ADGRB3: variants seen among roughly 807,000 people sequenced by gnomAD.
ADGRB3 encodes adhesion G protein-coupled receptor B3.
Under a neutral mutation model 193.4 loss-of-function variants are expected in ADGRB3, and 37 were observed. The ratio of observed to expected loss-of-function variants is 0.19; its 90% CI spans 0.15 to 0.25. The LOEUF is 0.25. Among genes scored for constraint, ADGRB3 ranks in the 10% least tolerant of loss-of-function variants. ADGRB3 has a pLI of 1.00. For missense variants in ADGRB3, 1,637 were observed against 1,852.9 expected, an observed-to-expected ratio of 0.88 and a Z score of 2.14; for synonymous variants, 690 against 644.2, an observed-to-expected ratio of 1.07 and a Z score of -1.08.
At chr6:69,288,871 T>C (rs1767607762) in intron 20 of ADGRB3, among the ~76,000 whole-genome samples, 1 of 152,182 alleles carries the variant, frequency 6.6e-6, no homozygotes, top group Admixed American at 6.5e-5. Context: ...AAGGTGGTGT[T>C]ATTGGTACAA....
chr6:69,351,399 A>G lies in ADGRB3; in HGVS notation c.3460-2834A>G, dbSNP rs986837745. 3.5e-4 allele frequency among the ~76,000 whole-genome samples: 53 copies of G among 152,002 alleles called. 1 individual carries two copies. Among genetic ancestry groups the G allele is most frequent in the Admixed American group, 3.9e-4 (6 of 15,252 alleles). On this transcript the variant is annotated intron_variant, in intron 26 of 31. Coordinates refer to ENST00000370598, the MANE Select transcript of ADGRB3 (RefSeq NM_001704.3). ...GAGCCACCACGCCCTGCCCCCAGAT[A>G]CGTTTTTAAGATTAAAAAAATAAAT...
intron 16 of ADGRB3, among the ~76,000 whole-genome samples, chr6:69,066,316 T>C (rs919134820): frequency 6.6e-6 from 1 of 151,590 alleles, no homozygotes; most frequent in Non-Finnish European, 1.5e-5. Flanking sequence ...ATCAAAAATA[T>C]CCGTTATACT....
intron 20 of ADGRB3, among the ~76,000 whole-genome samples, chr6:69,282,844 A>G (rs1003004332): frequency 2.0e-5 from 3 of 152,224 alleles, no homozygotes; most frequent in African/African-American, 7.2e-5. Flanking sequence ...AGCTTAAAAT[A>G]TAGAAAGACA....
chr6:68,972,120 T>G (rs1167587356), intron 8 of ADGRB3, among the ~76,000 whole-genome samples: 5 of 152,364 alleles, frequency 3.3e-5, no homozygotes, highest in African/African-American at 9.6e-5. Flanking sequence ...CTGTATCTCT[T>G]AGTTTATTTT....
At chr6:69,048,696 C>T (rs1017303568) in intron 14 of ADGRB3, among the ~76,000 whole-genome samples, 8 of 152,014 alleles carry the variant, frequency 5.3e-5, no homozygotes, top group African/African-American at 1.7e-4. Context: ...ATTTCTGCCT[C>T]ATTAAAATTT....
chr6:68,706,124 C>T (rs550530217), intron 3 of ADGRB3, among the ~76,000 whole-genome samples: 5 of 152,152 alleles, frequency 3.3e-5, no homozygotes, highest in South Asian at 4.1e-4. Flanking sequence ...TTGAGAAAAG[C>T]GTTCAGAGGA....
At chr6:69,286,054 G>C (rs759841348) in intron 20 of ADGRB3, among the ~76,000 whole-genome samples, 1 of 152,022 alleles carries the variant, frequency 6.6e-6, no homozygotes, top group Middle Eastern at 3.2e-3. Flanking sequence ...AGTTACCTTA[G>C]ACCATTCTTG....
intron 3 of ADGRB3, among the ~76,000 whole-genome samples, chr6:68,803,966 T>C (rs947470601): frequency 4.6e-5 from 7 of 152,218 alleles, no homozygotes; most frequent in African/African-American, 1.7e-4. Flanking sequence ...TCATGAAATA[T>C]TGCTCACACT....
At chr6:68,724,179 G>C (rs1428118053) in intron 3 of ADGRB3, among the ~76,000 whole-genome samples, 4 of 151,308 alleles carry the variant, frequency 2.6e-5, no homozygotes, top group Admixed American at 2.0e-4. Context: ...TTATGTACTG[G>C]TCCAGAAATG....
At chr6:69,059,643 C>T (rs1339933766) in intron 15 of ADGRB3, among the ~76,000 whole-genome samples, 2 of 152,076 alleles carry the variant, frequency 1.3e-5, no homozygotes, top group Non-Finnish European at 2.9e-5. Flanking sequence ...AGCCAGGGAG[C>T]ATTAGCAGAT....
chr6:69,300,407 CA>C (rs754316425), intron 20 of ADGRB3, among the ~76,000 whole-genome samples: 50 of 151,708 alleles, frequency 3.3e-4, no homozygotes, highest in Admixed American at 3.2e-3. Flanking sequence ...GATCATGAAA[CA>C]AACAAGTATG....
chr6:69,249,334 G>T (rs1010728715), intron 20 of ADGRB3, among the ~76,000 whole-genome samples: 1 of 152,082 alleles, frequency 6.6e-6, no homozygotes, highest in African/African-American at 2.4e-5. Context: ...TTATGATGCC[G>T]ATTGGTTACC....
rs747988050 is a variant in ADGRB3 at position 68,993,856 on chromosome 6, G to C, written c.1823G>C (p.Arg608Thr). 1 of 1,613,984 alleles carries C rather than the reference G, an allele frequency of 6.2e-7. No homozygotes were observed. The highest frequency in any genetic ancestry group is 2.2e-5 in the East Asian group (1 of 44,878). ...VTKTLLDLTQ[R>T]KNFYAGDLLM... ...AAGACACTGTTGGATTTAACTCAGA[G>C]AAAAAATTTCTATGCAGGCGATCTT... Residue 608 changes from arginine to threonine, a missense_variant, in exon 11 of 32, where the codon AGA (arginine) becomes ACA (threonine). Physicochemically the swap from Arg to Thr is moderately conservative, Grantham distance 71. Transcript: ENST00000370598.
At chr6:68,636,332 G>GA (rs774356397) in intron 1 of ADGRB3, among the ~76,000 whole-genome samples, 2 of 151,918 alleles carry the variant, frequency 1.3e-5, no homozygotes, top group African/African-American at 2.4e-5. Context: ...CTATTGGGGG[G>GA]AAAAATCTGT....
At chr6:68,723,617 C>G (rs1032896093) in intron 3 of ADGRB3, among the ~76,000 whole-genome samples, 5 of 151,690 alleles carry the variant, frequency 3.3e-5, no homozygotes, top group African/African-American at 1.2e-4. Flanking sequence ...TATCATCTAT[C>G]AGCACTATGG....
intron 30 of ADGRB3, among the ~76,000 whole-genome samples, chr6:69,378,516 T>A (rs1392207511): frequency 2.6e-5 from 4 of 152,042 alleles, no homozygotes; most frequent in Non-Finnish European, 5.9e-5. Context: ...CTCCCAGGGT[T>A]ATTGTGAGGA....
intron 3 of ADGRB3, among the ~76,000 whole-genome samples, chr6:68,927,038 T>C (rs1476780386): frequency 6.6e-6 from 1 of 152,196 alleles, no homozygotes; most frequent in Non-Finnish European, 1.5e-5. Context: ...TGCCTAAACA[T>C]GGCAGTCATC....
intron 20 of ADGRB3, among the ~76,000 whole-genome samples, chr6:69,240,779 G>T (rs1766367676): frequency 6.6e-6 from 1 of 151,804 alleles, no homozygotes; most frequent in African/African-American, 2.4e-5. Context: ...GTTCACTTGG[G>T]CTGGGCCTCA....
intron 6 of ADGRB3, among the ~76,000 whole-genome samples, chr6:68,946,539 C>T (rs950030251): frequency 6.6e-6 from 1 of 152,108 alleles, no homozygotes; most frequent in Non-Finnish European, 1.5e-5. Flanking sequence ...AACATTTTTT[C>T]TAACCATACT....
Sources: gnomAD v4.1 joint callset for allele counts (sites outside exome capture counted in the v4.1 genomes callset) on GRCh38, gnomAD v4.1.1 for gene constraint, MANE v1.5 for transcripts, NCBI Gene and HGNC (gene_info 2026-07-23, HGNC 2026-07-21) for gene names.